Variants in EIPR1 observed in about 807,000 individuals in gnomAD.
EIPR1 encodes the protein EARP complex and GARP complex interacting protein 1, also known as EARP and GARP complex-interacting protein 1.
EIPR1 carries 25 observed loss-of-function variants against 48.1 expected under a neutral mutation model. The ratio of observed to expected loss-of-function variants is 0.52; its 90% CI spans 0.38 to 0.73. The LOEUF (loss-of-function observed/expected upper bound fraction) is 0.73. Among genes scored for constraint, EIPR1 ranks in the 30% least tolerant of loss-of-function variants. The pLI is 0.00. For missense variants in EIPR1, 415 were observed against 506.2 expected (o/e 0.82, Z 1.73); for synonymous variants, 204 against 201.9 (o/e 1.01, Z -0.09).
chr2:3,218,320 T>C (rs566901160), intron 4 of EIPR1, among the ~76,000 whole-genome samples: 3 of 144,002 alleles, frequency 2.1e-5, no homozygotes, highest in South Asian at 4.5e-4. Context: ...TCACAGTGAG[T>C]CAGGTGCACA....
intron 3 of EIPR1, among the ~76,000 whole-genome samples, chr2:3,314,119 T>C (rs1029691316): frequency 1.5e-4 from 23 of 152,344 alleles, no homozygotes; most frequent in African/African-American, 5.5e-4. Flanking sequence ...GGCGCCGCGC[T>C]GGCAGCTTTT....
chr2:3,198,620 C>A (rs1242528367), intron 5 of EIPR1, among the ~76,000 whole-genome samples: 1 of 151,998 alleles, frequency 6.6e-6, no homozygotes, highest in Non-Finnish European at 1.5e-5. Flanking sequence ...GGAAAGAGTA[C>A]AAAAGAGAGA....
intron 3 of EIPR1, among the ~76,000 whole-genome samples, chr2:3,307,050 C>A (rs1356096077): frequency 6.6e-6 from 1 of 151,932 alleles, no homozygotes; most frequent in East Asian, 1.9e-4. Context: ...GCAACCTCCC[C>A]CTCCTGGGTT....
At chr2:3,309,927 G>T (rs1283138067) in intron 3 of EIPR1, among the ~76,000 whole-genome samples, 3 of 152,098 alleles carry the variant, frequency 2.0e-5, no homozygotes, top group Non-Finnish European at 4.4e-5. Flanking sequence ...CAGCGCCCCT[G>T]TGTACGCACA....
At chr2:3,218,496 G>T (rs1381581058) in intron 4 of EIPR1, among the ~76,000 whole-genome samples, 2 of 143,670 alleles carry the variant, frequency 1.4e-5, no homozygotes, top group African/African-American at 5.2e-5. Context: ...ACCCAGCAGG[G>T]CCCTGGTATA....
At chr2:3,250,799 C>T (rs975561933) in intron 4 of EIPR1, among the ~76,000 whole-genome samples, 2 of 152,294 alleles carry the variant, frequency 1.3e-5, no homozygotes, top group African/African-American at 4.8e-5. Flanking sequence ...AAGAGTCTGG[C>T]AGCTGCTTCT....
intron 6 of EIPR1, among the ~76,000 whole-genome samples, chr2:3,194,857 C>T (rs1664755226): frequency 6.6e-6 from 1 of 152,148 alleles, no homozygotes; most frequent in South Asian, 2.1e-4. Flanking sequence ...CTGTCCACAC[C>T]AGCTCCAGGT....
intron 3 of EIPR1, among the ~76,000 whole-genome samples, chr2:3,265,818 CT>C (rs1667470124): frequency 6.6e-6 from 1 of 152,206 alleles, no homozygotes; most frequent in Admixed American, 6.5e-5. Context: ...AATGAGGAAA[CT>C]GAGGCCCAGT....
At chr2:3,240,085 C>CTCCTAAAGCAAAGCCAGCAGACCCT (rs1666549303) in intron 4 of EIPR1, among the ~76,000 whole-genome samples, 2 of 147,018 alleles carry the variant, frequency 1.4e-5, no homozygotes, top group Non-Finnish European at 3.0e-5. Flanking sequence ...CAGCAGATCC[C>CTCCTAAAGCAAAGCCAGCAGACCCT]TCCTAAAGCA....
intron 5 of EIPR1, among the ~76,000 whole-genome samples, chr2:3,205,899 C>T (rs1300260169): frequency 6.6e-6 from 1 of 152,216 alleles, no homozygotes; most frequent in Non-Finnish European, 1.5e-5. Context: ...CCAGACAGTG[C>T]CTAGCACGTG....
chr2:3,220,843 C>T (rs571107675), intron 4 of EIPR1, among the ~76,000 whole-genome samples: 5 of 149,016 alleles, frequency 3.4e-5, no homozygotes, highest in African/African-American at 9.9e-5. Context: ...CACGGTGAGT[C>T]GGGAACACAC....
intron 3 of EIPR1, among the ~76,000 whole-genome samples, chr2:3,283,265 G>A (rs1317435762): frequency 9.2e-5 from 14 of 152,254 alleles, no homozygotes; most frequent in Middle Eastern, 3.4e-3. Context: ...GCACCACCAC[G>A]CTGGGCTGGC....
chr2:3,349,815 C>T (rs1670516647), intron 2 of EIPR1, among the ~76,000 whole-genome samples: 1 of 152,128 alleles, frequency 6.6e-6, no homozygotes, highest in South Asian at 2.1e-4. Flanking sequence ...TTAGTCTGTT[C>T]TCACACTGCT....
intron 3 of EIPR1, among the ~76,000 whole-genome samples, chr2:3,292,107 C>T (rs1018799678): frequency 1.3e-5 from 2 of 152,234 alleles, no homozygotes; most frequent in African/African-American, 4.8e-5. Context: ...TCCATGCTAA[C>T]ATCACTCAGG....
chr2:3,343,892 C>T lies in EIPR1; in HGVS notation c.127-5743G>A, dbSNP rs115481288. ...CGCTTCTAAACTGAAAGTTTAAAAA[C>T]TCTTGAGAATTGAAAAAACAAAAAA... is the stretch of plus-strand genomic sequence containing the variant. On this transcript the variant is annotated intron_variant, in intron 2 of 8. Coordinates refer to ENST00000382125, the MANE Select transcript of EIPR1 (RefSeq NM_003310.5). Among the ~76,000 whole-genome samples the T allele has an allele frequency of 6.9e-3, 1,047 of 152,138 alleles. 12 individuals are homozygous for T. The highest frequency in any genetic ancestry group is 0.024 in the African/African-American group (1,009 of 41,480).
chr2:3,324,552 G>T (rs1314570797), intron 3 of EIPR1, among the ~76,000 whole-genome samples: 2 of 152,222 alleles, frequency 1.3e-5, no homozygotes, highest in Non-Finnish European at 2.9e-5. Context: ...GCTAACTCAG[G>T]CTTAGGGCAG....
intron 2 of EIPR1, among the ~76,000 whole-genome samples, chr2:3,352,160 C>A (rs2103372318): frequency 6.8e-6 from 1 of 146,000 alleles, no homozygotes; most frequent in Admixed American, 6.8e-5. Context: ...GAGCCACCCA[C>A]ACTGTCTGTT....
At chr2:3,310,377 G>A (rs1669085668) in intron 3 of EIPR1, among the ~76,000 whole-genome samples, 1 of 151,892 alleles carries the variant, frequency 6.6e-6, no homozygotes, top group Non-Finnish European at 1.5e-5. Context: ...TAATTGGCCG[G>A]GCGCGGTGGC....
chr2:3,354,397 T>C (rs568279384), intron 2 of EIPR1, among the ~76,000 whole-genome samples, 153 bp downstream of exon 2: 2 of 152,390 alleles, frequency 1.3e-5, no homozygotes, highest in South Asian at 4.1e-4. Flanking sequence ...TAATATTCTT[T>C]GATTTGAAGA....
Sources: gnomAD v4.1 joint callset for allele counts (sites outside exome capture counted in the v4.1 genomes callset) on GRCh38, gnomAD v4.1.1 for gene constraint, MANE v1.5 for transcripts, NCBI Gene and HGNC (gene_info 2026-07-23, HGNC 2026-07-21) for gene names.